SLC7A4: variants seen among roughly 807,000 people sequenced by gnomAD.
SLC7A4 encodes solute carrier family 7 member 4, also known as cationic amino acid transporter 4.
A neutral mutation model predicts 37.8 loss-of-function variants in SLC7A4; 30 were observed. The ratio of observed to expected loss-of-function variants is 0.79; its 90% confidence interval spans 0.59 to 1.08. The LOEUF (loss-of-function observed/expected upper bound fraction) is 1.08. Among genes scored for constraint, SLC7A4 ranks in the 50% least tolerant of loss-of-function variants. The pLI is 0.00. For synonymous variants in SLC7A4, 359 were observed against 376.5 expected (o/e 0.95, Z 0.54); for missense variants, 839 against 843.2 (o/e 1.00, Z 0.06).
chr22:21,029,226 A>G lies in SLC7A4; in HGVS notation c.1737T>C (p.Leu579=). 6.2e-7 allele frequency: 1 copy of G among 1,613,768 alleles called. No homozygotes were observed. Among genetic ancestry groups the G allele is most frequent in the Non-Finnish European group, 8.5e-7 (1 of 1,179,970 alleles). Residue 579 remains leucine (L), a synonymous_variant, in exon 5 of 5, where the codon CTT becomes CTC. Transcript: ENST00000382932. ...VRFSIWLLMG[L]AVYFGYGIRH... is the part of the protein sequence containing the mutation. ...GGATGCCATAGCCGAAATACACTGC[A>G]AGTCCTAGACAGGGCAGGAGGCAGG...
chr22:21,031,929 C>T (rs1381423764), intron 1 of SLC7A4, 77 bp from the exon 2 acceptor site: 22 of 1,020,796 alleles, frequency 2.2e-5, no homozygotes, highest in Admixed American at 3.7e-5. Flanking sequence ...GTCTGACCAC[C>T]CCCAGTCCTC....
Position 21,031,293 on chromosome 22 carries a change from C to T in SLC7A4, c.520G>A (p.Ala174Thr), listed in dbSNP as rs964174646. The change falls in exon 2 of 5, where the codon GCT (alanine) becomes ACT (threonine). Residue 174 changes from alanine (A) to threonine (T), a missense_variant. Physicochemically the swap from Ala to Thr is moderately conservative, Grantham distance 58 (BLOSUM62 0). Transcript: ENST00000382932. ...LLGHYPDFLAAGIILLASAFV... is the reference protein window; with the variant it reads ...LLGHYPDFLATGIILLASAFV... ...GCAGAGGCCAGGAGGATGATGCCAGCAGCCAGGAAGTCCGGGTAGTGGCCC... is the reference window on the plus strand; with the variant it reads ...GCAGAGGCCAGGAGGATGATGCCAGTAGCCAGGAAGTCCGGGTAGTGGCCC... 1.7e-5 allele frequency: 27 copies of T among 1,610,050 alleles called. No homozygotes were observed. Among genetic ancestry groups the T allele is most frequent in the Non-Finnish European group, 2.3e-5 (27 of 1,178,186 alleles).
chr22:21,032,213 CCCCAGAGTCGAGCCGGACCCGGAA>C (rs1928912633), intron 1 of SLC7A4, among the ~76,000 whole-genome samples: 1 of 152,180 alleles, frequency 6.6e-6, no homozygotes, highest in South Asian at 2.1e-4. Context: ...ACCGAGGCTT[CCCCAGAGTCGAGCCGGACCCGGAA>C]CAGGAGCCGC....
Position 21,029,860 on chromosome 22 carries a change from T to C in SLC7A4, c.1474A>G (p.Ile492Val). ...TTCCCAAAGACAAGCACGCAGCCTA[T>C]GGTGATGGCTGAGGCCAACATAACG... ...LGVMLASAIT[I>V]GCVLVFGNST... The change falls in exon 3 of 5, where the codon ATA (isoleucine) becomes GTA (valine). Residue 492 changes from isoleucine to valine, a missense_variant. Coordinates refer to ENST00000382932, the MANE Select transcript of SLC7A4 (RefSeq NM_004173.3). The C allele has an allele frequency of 1.2e-6, 2 of 1,613,790 alleles. No homozygotes were observed. Among genetic ancestry groups the C allele is most frequent in the Non-Finnish European group, 1.7e-6 (2 of 1,179,974 alleles).
Position 21,029,419 on chromosome 22 carries a change from G to A in SLC7A4, c.1649C>T (p.Ala550Val). 1 of 1,613,454 alleles carries A rather than the reference G, an allele frequency of 6.2e-7. No homozygotes were observed. Among genetic ancestry groups the A allele is most frequent in the Non-Finnish European group, 8.5e-7 (1 of 1,179,792 alleles). ...FQIPMVPLIP[A>V]LSIVLNICLM... ...GCAGATGTTGAGGACGATGCTCAGG[G>A]CTGGAATCAGGGGAACCATGGGGAT... The change falls in exon 4 of 5, where the codon GCC becomes GTC. Residue 550 changes from alanine (A) to valine (V), a missense_variant. By Grantham distance (64) the Ala-to-Val change is moderately conservative. Coordinates refer to ENST00000382932, the MANE Select transcript of SLC7A4 (RefSeq NM_004173.3).
rs369383063 is a variant in SLC7A4, at chr22:21,029,147, C to A, written c.1816G>T (p.Val606Leu). The stretch of plus-strand genomic sequence containing the variant: ...TCCAGGCTGCCCCTGGGGAATACCA[C>A]GTAGTGTGTGGAGTTCAGCCCTGGC... ...ELPGLNSTHY[V>L]VFPRGSLEET... The change falls in exon 5 of 5, where the codon GTG becomes TTG. Residue 606 changes from valine to leucine, a missense_variant. Transcript: ENST00000382932. The A allele has an allele frequency of 6.2e-7, 1 of 1,614,012 alleles. No homozygotes were observed. Among genetic ancestry groups the A allele is most frequent in the Non-Finnish European group, 8.5e-7 (1 of 1,180,020 alleles).
chr22:21,029,691 G>A lies in SLC7A4; in HGVS notation c.1623+20C>T, dbSNP rs1569185675. 3 of 1,597,150 alleles carry A rather than the reference G, an allele frequency of 1.9e-6. No individual in the cohort carries two copies. In the East Asian group the frequency reaches 6.7e-5, roughly 36 times the overall value. ...AGCTGCCTGGGCCGAGTGTGAGTGG[G>A]TGTTGGCTAGGGGAGGTACCTGAAA... On this transcript the variant is annotated intron_variant, in intron 3 of 4. Transcript: ENST00000382932.
At chr22:21,029,268 C>T in intron 4 of SLC7A4, 38 bp from the exon 5 acceptor site, 1 of 1,612,736 alleles carries the variant, frequency 6.2e-7, no homozygotes, top group Non-Finnish European at 8.5e-7. Flanking sequence ...GCCTGAGGTA[C>T]AGGTTCCAGC....
Position 21,029,977 on chromosome 22 carries a change from G to A in SLC7A4, c.1357C>T (p.Pro453Ser). ...GCTGGCTTCAGCTCCCCTGGCTCAGGGACGGAGGCGTGTACAGTGCCCACC... is the reference window on the plus strand; with the variant it reads ...GCTGGCTTCAGCTCCCCTGGCTCAGAGACGGAGGCGTGTACAGTGCCCACC... ...QLVGTVHASV[P>S]EPGELKPALR... The change falls in exon 3 of 5, where the codon CCT becomes TCT. Residue 453 changes from proline (P) to serine (S), a missense_variant. By Grantham distance (74) the Pro-to-Ser change is moderately conservative. Coordinates refer to ENST00000382932, the MANE Select transcript of SLC7A4 (RefSeq NM_004173.3). The A allele has an allele frequency of 6.2e-7, 1 of 1,613,928 alleles. No homozygotes were observed. Among genetic ancestry groups the A allele is most frequent in the Non-Finnish European group, 8.5e-7 (1 of 1,179,990 alleles).
chr22:21,029,262 G>C (rs918910452), intron 4 of SLC7A4, 32 bp from the exon 5 acceptor site: 3 of 1,612,908 alleles, frequency 1.9e-6, no homozygotes, highest in Non-Finnish European at 2.5e-6. Flanking sequence ...GCATGAGCCT[G>C]AGGTACAGGT....
chr22:21,031,126 A>G lies in SLC7A4; in HGVS notation c.687T>C (p.Phe229=). Residue 229 remains phenylalanine (F), a synonymous_variant, in exon 2 of 5, where the codon TTT becomes TTC. Coordinates refer to ENST00000382932, the MANE Select transcript of SLC7A4 (RefSeq NM_004173.3). ...TGACGCCGGAGAAGCCGAAGGGTGC[A>G]AAGCCGCCTTCGTCAGCGCTCCAGT... ...PHNWSADEGG[F]APFGFSGVMA... 6.2e-7 allele frequency: 1 copy of G among 1,613,802 alleles called. No individual in the cohort carries two copies. Among genetic ancestry groups the G allele is most frequent in the Middle Eastern group, 1.7e-4 (1 of 6,060 alleles).
At position 21,028,839 on chromosome 22, in the gene SLC7A4, C is replaced by G; in HGVS notation, c.*216G>C. 2.0e-6 allele frequency: 1 copy of G among 510,924 alleles called. No individual in the cohort carries two copies. Among genetic ancestry groups the G allele is most frequent in the East Asian group, 3.0e-5 (1 of 33,020 alleles). 31.6% of individuals were successfully genotyped at this position (510,924 alleles called of 1,614,324 possible). On this transcript the variant is annotated 3_prime_UTR_variant, in exon 5 of 5. Transcript: ENST00000382932. ...CTGGAGCTGATCATAAACAAGAAGGCTCTGGGCAGAGTCCATGGCACCAGC... is the reference window on the plus strand; with the variant it reads ...CTGGAGCTGATCATAAACAAGAAGGGTCTGGGCAGAGTCCATGGCACCAGC...
In SLC7A4 at chr22:21,031,014, A is replaced by T; in HGVS notation, c.799T>A (p.Ser267Thr). 1 of 1,614,104 alleles carries T rather than the reference A, an allele frequency of 6.2e-7. No homozygotes were observed. The stretch of plus-strand genomic sequence containing the variant: ...GAGATGGCGATGGCCAGAGGCACAG[A>T]CCGCCGTGGGTTCTGGGCCTCCTCA... ...SSEEAQNPRR[S>T]VPLAIAISLA... Residue 267 changes from serine (S) to threonine (T), a missense_variant, in exon 2 of 5, where the codon TCT becomes ACT. By Grantham distance (58) the Ser-to-Thr change is moderately conservative. Transcript: ENST00000382932.
chr22:21,029,839 C>T lies in SLC7A4; in HGVS notation c.1495G>A (p.Gly499Arg), dbSNP rs1226366062. ...AITIGCVLVF[G>R]NSTLHLPHWG... is the part of the protein sequence containing the mutation. Reference sequence around the variant, plus strand: ...TGTGGGAGGTGCAGGGTCGAGTTCCCAAAGACAAGCACGCAGCCTATGGTG... The same window carrying T: ...TGTGGGAGGTGCAGGGTCGAGTTCCTAAAGACAAGCACGCAGCCTATGGTG... Residue 499 changes from glycine to arginine, a missense_variant, in exon 3 of 5, where the codon GGG (glycine) becomes AGG (arginine). Coordinates refer to ENST00000382932, the MANE Select transcript of SLC7A4 (RefSeq NM_004173.3). 1 of 1,613,602 alleles carries T rather than the reference C, an allele frequency of 6.2e-7. No individual in the cohort carries two copies. The highest frequency in any genetic ancestry group is 8.5e-7 in the Non-Finnish European group (1 of 1,179,990).
rs1569185967 is a variant in SLC7A4, at chr22:21,030,096, CGCA to C, written c.1235_1237del (p.Leu412del). The C allele has an allele frequency of 1.2e-6, 2 of 1,612,684 alleles. No individual in the cohort carries two copies. The highest frequency in any genetic ancestry group is 2.2e-5 in the South Asian group (2 of 90,928). On this transcript the variant is annotated inframe_deletion, in exon 3 of 5. Coordinates refer to ENST00000382932, the MANE Select transcript of SLC7A4 (RefSeq NM_004173.3). ...GCTGGGCGGGGAAGACTTCTGGAAG[CGCA>C]GCACAATGATACTGGTGGCCACGAA...
chr22:21,029,711 C>G lies in SLC7A4; in HGVS notation c.1623G>C (p.Gln541His). 1 of 1,608,534 alleles carries G rather than the reference C, an allele frequency of 6.2e-7. No homozygotes were observed. The highest frequency in any genetic ancestry group is 1.1e-5 in the South Asian group (1 of 90,420). ...HQQQYREDLF[Q>H]IPMVPLIPAL... ...AGTGGGTGTTGGCTAGGGGAGGTAC[C>G]TGAAATAAGTCTTCCCGATACTGTT... The change falls in exon 3 of 5, where the codon CAG becomes CAC. Residue 541 changes from glutamine to histidine, a missense_variant and splice_region_variant. Gln to His is a conservative substitution (Grantham distance 24). Transcript: ENST00000382932.
Position 21,031,435 on chromosome 22 carries a change from G to T in SLC7A4, c.378C>A (p.Tyr126Ter). The change falls in exon 2 of 5, where the codon TAC (tyrosine) becomes TAA (stop). Residue 126 changes from tyrosine (Y) to a stop codon, truncating the protein, a stop_gained. Transcript: ENST00000382932. LOFTEE classifies it high-confidence loss of function. ...GGGCCACGGCGGCGCCACCGATGAT[G>T]TATTCGAGGAGAACATTCCAGCCGA... ...FLIGWNVLLEYIIGGAAVARA... is the reference protein window; with the variant it reads ...FLIGWNVLLE 6.2e-7 allele frequency: 1 copy of T among 1,601,242 alleles called. No homozygotes were observed.
At position 21,031,575 on chromosome 22, in the gene SLC7A4, C is replaced by A; in HGVS notation, c.238G>T (p.Val80Leu). Residue 80 changes from valine (V) to leucine (L), a missense_variant, in exon 2 of 5, where the codon GTG (valine) becomes TTG (leucine). Physicochemically the swap from Val to Leu is conservative, Grantham distance 32 (BLOSUM62 1). Coordinates refer to ENST00000382932, the MANE Select transcript of SLC7A4 (RefSeq NM_004173.3). ...CATAGGGCTGCCAGCAGGGAGGCCA[C>A]AGCGGCCACACCGAAGGACAAGAGC... ...AVLLSFGVAAVASLLAALCYA... is the reference protein window; with the variant it reads ...AVLLSFGVAALASLLAALCYA... The A allele has an allele frequency of 6.2e-7, 1 of 1,607,668 alleles. No homozygotes were observed. Among genetic ancestry groups the A allele is most frequent in the Non-Finnish European group, 8.5e-7 (1 of 1,177,766 alleles).
At position 21,031,417 on chromosome 22, in the gene SLC7A4, G is replaced by A. The variant is rs752030694; in HGVS notation, c.396C>T (p.Ala132=). 5.1e-5 allele frequency: 81 copies of A among 1,603,392 alleles called. No individual in the cohort carries two copies. The highest frequency in any genetic ancestry group is 5.6e-5 in the Non-Finnish European group (66 of 1,175,370). Residue 132 remains alanine, a synonymous_variant, in exon 2 of 5, where the codon GCC becomes GCT. Coordinates refer to ENST00000382932, the MANE Select transcript of SLC7A4 (RefSeq NM_004173.3). ...GGTAGCCACTCCAGGCACGGGCCAC[G>A]GCGGCGCCACCGATGATGTATTCGA... is the stretch of plus-strand genomic sequence containing the variant. ...VLLEYIIGGA[A]VARAWSGYLD...
Sources: allele counts gnomAD v4.1 joint callset (sites outside exome capture counted in the v4.1 genomes callset), GRCh38; gene constraint gnomAD v4.1.1; transcripts MANE v1.5; gene names NCBI Gene and HGNC (gene_info 2026-07-23, HGNC 2026-07-21).